The following CHIA variants were observed in gnomAD, a reference collection of about 807,000 sequenced individuals.
CHIA encodes the protein chitinase acidic.
CHIA carries 47 observed loss-of-function variants against 53.5 expected under a neutral mutation model. The ratio of observed to expected loss-of-function variants is 0.88; its 90% CI spans 0.70 to 1.12. The LOEUF (loss-of-function observed/expected upper bound fraction) is 1.12, where lower values mean the gene tolerates loss of function less well. CHIA is among the 50% of genes most tolerant of loss of function. CHIA has a pLI of 0.00. For synonymous variants in CHIA, 268 were observed against 222.2 expected (o/e 1.21, Z -1.83); for missense variants, 652 against 592.2 (o/e 1.10, Z -1.05).
intron 1 of CHIA, among the ~76,000 whole-genome samples, chr1:111,305,286 G>A (rs1270180595): frequency 2.0e-5 from 3 of 152,136 alleles, no homozygotes; most frequent in Non-Finnish European, 4.4e-5. Flanking sequence ...TAAGAATGGT[G>A]CCAACCCTTT....
Position 111,315,342 on chromosome 1 carries a change from G to T in CHIA, c.387G>T (p.Gln129His), listed in dbSNP as rs200273853. 2.8e-5 allele frequency: 45 copies of T among 1,613,912 alleles called. No homozygotes were observed. In the Admixed American group the frequency reaches 5.5e-4, roughly 20 times the overall value. Reference protein sequence around the residue: ...FITSVIKFLRQYEFDGLDFDW... With the variant: ...FITSVIKFLRHYEFDGLDFDW... ...CCTCAGTCATCAAATTCCTGCGCCA[G>T]TATGAGTTTGACGGGCTGGACTTTG... Residue 129 changes from glutamine (Q) to histidine (H), a missense_variant, in exon 6 of 12, where the codon CAG becomes CAT. Transcript: ENST00000369740.
intron 5 of CHIA, chr1:111,314,897 A>C: frequency 2.4e-6 from 1 of 408,676 alleles, no homozygotes. Context: ...ACAGTGTTAT[A>C]ATGCTTCCCT....
chr1:111,295,622 CCGGG>C (rs1309048810), intron 1 of CHIA, among the ~76,000 whole-genome samples: 7 of 110,112 alleles, frequency 6.4e-5, no homozygotes, highest in East Asian at 2.9e-4. Flanking sequence ...AGCTGAGGTA[CCGGG>C]TTCATCTCAT....
chr1:111,298,273 C>T (rs1204766445), intron 1 of CHIA, among the ~76,000 whole-genome samples: 1 of 152,196 alleles, frequency 6.6e-6, no homozygotes, highest in East Asian at 1.9e-4. Flanking sequence ...CTCTCCACCC[C>T]AAATCAACAG....
chr1:111,299,430 A>C (rs1234428945), intron 1 of CHIA, among the ~76,000 whole-genome samples: 4 of 152,184 alleles, frequency 2.6e-5, no homozygotes, highest in East Asian at 1.9e-4. Flanking sequence ...AAGGCTGGTT[A>C]AACATATGCA....
At chr1:111,300,386 A>G (rs1168818573) in intron 1 of CHIA, among the ~76,000 whole-genome samples, 1 of 152,228 alleles carries the variant, frequency 6.6e-6, no homozygotes, top group African/African-American at 2.4e-5. Flanking sequence ...AAACAGATAT[A>G]TAGACCAATG....
In CHIA at chr1:111,318,040, C is replaced by T. The variant is rs900676690; in HGVS notation, c.660C>T (p.Gly220=). 2 of 1,614,078 alleles carry T rather than the reference C, an allele frequency of 1.2e-6. No homozygotes were observed. Among genetic ancestry groups the T allele is most frequent in the Non-Finnish European group, 1.7e-6 (2 of 1,179,956 alleles). ...ACGACCTCCATGGCTCCTGGGAGGG[C>T]TACACTGGAGAGAACAGCCCCCTCT... ...MTYDLHGSWE[G]YTGENSPLYK... The change falls in exon 8 of 12, where the codon GGC becomes GGT. Residue 220 remains glycine, a synonymous_variant. Coordinates refer to ENST00000369740, the MANE Select transcript of CHIA (RefSeq NM_201653.4).
chr1:111,309,977 A>G (rs1052657121), intron 1 of CHIA, among the ~76,000 whole-genome samples: 3 of 152,344 alleles, frequency 2.0e-5, no homozygotes, highest in East Asian at 3.9e-4. Flanking sequence ...GCACCTAAAG[A>G]AGGAAGATTT....
chr1:111,311,743 T>C (rs1232870882), intron 3 of CHIA, 25 bp downstream of exon 3: 2 of 1,608,576 alleles, frequency 1.2e-6, no homozygotes, highest in Non-Finnish European at 8.5e-7. Context: ...CCATGTTTTA[T>C]CATTGAATGT....
rs148818945 is a variant in CHIA, at chr1:111,296,004, G to A, written c.-69+5054G>A. 9.9e-3 allele frequency among the ~76,000 whole-genome samples: 1,505 copies of A among 152,378 alleles called. 16 individuals are homozygous for A. The highest frequency in any genetic ancestry group is 0.016 in the South Asian group (75 of 4,828). Reference sequence around the variant, plus strand: ...GACCTGTGAGGCAGCAGCCTGGCAGGAGGAGGGGCATCCACCATTGCTGAG... The same window carrying A: ...GACCTGTGAGGCAGCAGCCTGGCAGAAGGAGGGGCATCCACCATTGCTGAG... On this transcript the variant is annotated intron_variant, in intron 1 of 11. Transcript: ENST00000369740.
intron 1 of CHIA, among the ~76,000 whole-genome samples, chr1:111,291,834 G>GC (rs973350974): frequency 1.3e-5 from 2 of 150,934 alleles, no homozygotes; most frequent in African/African-American, 4.9e-5. Flanking sequence ...GCCTGTCGGG[G>GC]GGGGGTGGGG....
chr1:111,299,676 C>T lies in CHIA; in HGVS notation c.-69+8726C>T, dbSNP rs183487208. On this transcript the variant is annotated intron_variant, in intron 1 of 11. Coordinates refer to ENST00000369740, the MANE Select transcript of CHIA (RefSeq NM_201653.4). ...TGGAAGCATTCCCTTTGAAAACTGG[C>T]ATAAGACAGGGATGCCCTCTCTCAC... 1.8e-3 allele frequency among the ~76,000 whole-genome samples: 281 copies of T among 152,266 alleles called. 2 individuals carry two copies. The highest frequency in any genetic ancestry group is 6.5e-3 in the African/African-American group (269 of 41,538).
At chr1:111,313,821 T>C (rs1648908436) in intron 4 of CHIA, among the ~76,000 whole-genome samples, 2 of 152,208 alleles carry the variant, frequency 1.3e-5, no homozygotes, top group African/African-American at 4.8e-5. Flanking sequence ...TTGTTCAGTT[T>C]AGTCATATTT....
At chr1:111,314,841 C>T (rs1649013048) in intron 5 of CHIA, 1 of 485,570 alleles carries the variant, frequency 2.1e-6, no homozygotes, top group South Asian at 3.1e-5. Context: ...ACTGAGGTTC[C>T]CAAACAACCT....
Position 111,313,416 on chromosome 1 carries a change from T to C in CHIA, c.257+1025T>C, listed in dbSNP as rs77887641. On this transcript the variant is annotated intron_variant, in intron 4 of 11. Coordinates refer to ENST00000369740, the MANE Select transcript of CHIA (RefSeq NM_201653.4). ...TGATGATTAGTGATGTTGAGCATTT[T>C]TTATACACTTGTTGACCATTGGTAT... Among the ~76,000 whole-genome samples the C allele has an allele frequency of 9.7e-3, 1,481 of 152,340 alleles. 13 individuals are homozygous for C. Among genetic ancestry groups the C allele is most frequent in the Non-Finnish European group, 0.016 (1,084 of 68,028 alleles).
chr1:111,318,100 C>T lies in CHIA; in HGVS notation c.720C>T (p.Tyr240=). 1 of 1,612,254 alleles carries T rather than the reference C, an allele frequency of 6.2e-7. No homozygotes were observed. Among genetic ancestry groups the T allele is most frequent in the Non-Finnish European group, 8.5e-7 (1 of 1,178,386 alleles). Residue 240 remains tyrosine (Y), a synonymous_variant, in exon 8 of 12, where the codon TAC becomes TAT. Transcript: ENST00000369740. ...KYPTDTGSNA[Y]LNVDYVMNYW... ...CGACTGACACCGGCAGCAACGCCTA[C>T]CTCAATGTGGTGAGTCCCTGTACAG...
At chr1:111,307,286 T>A (rs1648263498) in intron 1 of CHIA, among the ~76,000 whole-genome samples, 1 of 152,198 alleles carries the variant, frequency 6.6e-6, no homozygotes, top group African/African-American at 2.4e-5. Context: ...AGTGAACAGC[T>A]GCTACTTGTA....
At chr1:111,302,944 T>C (rs534361081) in intron 1 of CHIA, among the ~76,000 whole-genome samples, 1 of 152,266 alleles carries the variant, frequency 6.6e-6, no homozygotes, top group South Asian at 2.1e-4. Flanking sequence ...TGTCATTAGG[T>C]ACATAAATGT....
At chr1:111,309,826 G>A (rs973280062) in intron 1 of CHIA, among the ~76,000 whole-genome samples, 5 of 152,184 alleles carry the variant, frequency 3.3e-5, no homozygotes, top group Non-Finnish European at 7.3e-5. Context: ...GATGTAATTT[G>A]AAACTACAGA....
Sources: gnomAD v4.1 joint callset for allele counts (sites outside exome capture counted in the v4.1 genomes callset) on GRCh38, gnomAD v4.1.1 for gene constraint, MANE v1.5 for transcripts, NCBI Gene and HGNC (gene_info 2026-07-23, HGNC 2026-07-21) for gene names.